The following WIF1 variants were observed in gnomAD, a reference collection of about 807,000 sequenced individuals.
WIF1 encodes Wnt inhibitory factor 1.
A neutral mutation model predicts 53.5 loss-of-function variants in WIF1; 35 were observed. That is an observed-to-expected ratio of 0.65 (90% confidence interval 0.50 to 0.87). WIF1 has a LOEUF of 0.87. WIF1 is among the 40% of genes least tolerant of loss of function. The probability of loss-of-function intolerance (pLI) is 0.00; values close to 1 mark genes in which losing one functional copy is unlikely to be tolerated. For synonymous variants in WIF1, 171 were observed against 170.4 expected, an observed-to-expected ratio of 1.00 and a Z score of -0.03; for missense variants, 467 against 476.8, an observed-to-expected ratio of 0.98 and a Z score of 0.19.
chr12:65,063,142 G>A (rs193168668), intron 6 of WIF1, among the ~76,000 whole-genome samples: 56 of 152,306 alleles, frequency 3.7e-4, no homozygotes, highest in Non-Finnish European at 7.2e-4. Flanking sequence ...GTGGGCCCAG[G>A]TGAGATCCCA....
intron 9 of WIF1, among the ~76,000 whole-genome samples, chr12:65,052,890 A>G (rs969635361): frequency 6.6e-6 from 1 of 152,192 alleles, no homozygotes; most frequent in African/African-American, 2.4e-5. Flanking sequence ...CAGAAGTAAC[A>G]GTGCCCTTGT....
In WIF1 at chr12:65,066,705, T is replaced by C; in HGVS notation, c.666A>G (p.Gly222=). Residue 222 remains glycine, a synonymous_variant, in exon 6 of 10, where the codon GGA becomes GGG. Transcript: ENST00000286574. ...ALCTPRCMNG[G]LCVTPGFCIC... is the part of the protein sequence containing the mutation. The stretch of plus-strand genomic sequence containing the variant: ...TGCAGAAACCAGGAGTCACACAAAG[T>C]CCACCATTCATACATCGTGGGGTAC... 1.2e-6 allele frequency: 2 copies of C among 1,610,408 alleles called. No homozygotes were observed. Among genetic ancestry groups the C allele is most frequent in the African/African-American group, 2.7e-5 (2 of 74,806 alleles).
chr12:65,051,341 G>A lies in WIF1; in HGVS notation c.*8C>T, dbSNP rs188681385. ...TGGTGTAACTTAAAACGTTTCAGATGTCGGAGTTCACCAGATGTAATTGGA... is the reference window on the plus strand; with the variant it reads ...TGGTGTAACTTAAAACGTTTCAGATATCGGAGTTCACCAGATGTAATTGGA... On this transcript the variant is annotated 3_prime_UTR_variant, in exon 10 of 10. Transcript: ENST00000286574. The A allele has an allele frequency of 4.3e-6, 7 of 1,611,014 alleles. No homozygotes were observed. The Admixed American group carries it at 1.2e-4, about 27-fold the overall frequency.
At position 65,114,471 on chromosome 12, in the gene WIF1, G is replaced by A. The variant is rs552836846; in HGVS notation, c.288+5946C>T. On this transcript the variant is annotated intron_variant, in intron 2 of 9. Transcript: ENST00000286574. ...AAGGTGAATTTGGATGATACTGAATGGAATCATTCACAAAGACACCAGTAT... is the reference window on the plus strand; with the variant it reads ...AAGGTGAATTTGGATGATACTGAATAGAATCATTCACAAAGACACCAGTAT... 3.9e-5 allele frequency among the ~76,000 whole-genome samples: 6 copies of A among 152,224 alleles called. No individual in the cohort carries two copies. The South Asian group carries it at 1.2e-3, about 32-fold the overall frequency.
intron 2 of WIF1, among the ~76,000 whole-genome samples, chr12:65,092,097 A>G (rs1016445656): frequency 2.6e-5 from 4 of 152,186 alleles, no homozygotes; most frequent in Non-Finnish European, 5.9e-5. Flanking sequence ...ATGGAATACT[A>G]TGCAGCCATA....
intron 3 of WIF1, among the ~76,000 whole-genome samples, chr12:65,076,283 C>T (rs1565752775): frequency 2.0e-5 from 3 of 152,038 alleles, no homozygotes; most frequent in Non-Finnish European, 1.5e-5. Context: ...GGAATCCTCC[C>T]CCCTCGGCCC....
chr12:65,057,199 C>T (rs766007970), intron 7 of WIF1, among the ~76,000 whole-genome samples: 2 of 152,096 alleles, frequency 1.3e-5, no homozygotes, highest in African/African-American at 2.4e-5. Flanking sequence ...GTGGCAATGG[C>T]TGGTGTGCAA....
chr12:65,108,362 C>G (rs1353707389), intron 2 of WIF1, among the ~76,000 whole-genome samples: 2 of 152,106 alleles, frequency 1.3e-5, no homozygotes, highest in African/African-American at 2.4e-5. Flanking sequence ...ATCAATGTTT[C>G]CATTCTCCAC....
intron 2 of WIF1, 141 bp downstream of exon 2, chr12:65,120,276 T>G (rs1418417309): frequency 2.2e-6 from 2 of 897,638 alleles, no homozygotes; most frequent in Non-Finnish European, 3.1e-6. Flanking sequence ...AAATGGAAAT[T>G]AATTCTTTAT....
rs568540565 is a variant in WIF1, at chr12:65,103,738, C to T, written c.288+16679G>A. 1.1e-4 allele frequency among the ~76,000 whole-genome samples: 17 copies of T among 152,196 alleles called. No homozygotes were observed. In the East Asian group the frequency reaches 3.3e-3, roughly 29 times the overall value. ...AATAATATACATATATGTACATGTA[C>T]CTTGGCATTTGACTGCTAGAATTCA... On this transcript the variant is annotated intron_variant, in intron 2 of 9. Coordinates refer to ENST00000286574, the MANE Select transcript of WIF1 (RefSeq NM_007191.5).
chr12:65,062,880 T>C (rs1882634654), intron 6 of WIF1, among the ~76,000 whole-genome samples: 2 of 152,066 alleles, frequency 1.3e-5, no homozygotes, highest in South Asian at 4.1e-4. Flanking sequence ...AGCTATGCCC[T>C]TAAAAGGAAA....
chr12:65,083,770 T>TTTTCCC (rs997685673), intron 2 of WIF1: 9 of 317,860 alleles, frequency 2.8e-5, no homozygotes, highest in Admixed American at 1.2e-4. Context: ...CCTCTTTTCC[T>TTTTCCC]TTTCCCTTTC....
At chr12:65,088,882 G>A (rs1314705750) in intron 2 of WIF1, among the ~76,000 whole-genome samples, 1 of 151,930 alleles carries the variant, frequency 6.6e-6, no homozygotes, top group Non-Finnish European at 1.5e-5. Flanking sequence ...TTTTTCTGGG[G>A]GGGAGCAGAT....
At chr12:65,074,171 AT>A (rs1565752204) in intron 3 of WIF1, among the ~76,000 whole-genome samples, 1 of 150,120 alleles carries the variant, frequency 6.7e-6, no homozygotes, top group South Asian at 2.1e-4. Context: ...TAAGATTTTT[AT>A]TTTTTATTTT....
intron 2 of WIF1, among the ~76,000 whole-genome samples, chr12:65,117,263 T>G (rs921506420): frequency 3.9e-5 from 6 of 152,172 alleles, no homozygotes; most frequent in African/African-American, 9.7e-5. Context: ...TACCCTGCCT[T>G]TTGCCATCAG....
Position 65,105,162 on chromosome 12 carries a change from C to T in WIF1, c.288+15255G>A, listed in dbSNP as rs942694068. Among the ~76,000 whole-genome samples, 8 of 152,154 alleles carry T rather than the reference C, an allele frequency of 5.3e-5. No individual in the cohort carries two copies. The South Asian group carries it at 8.3e-4, about 16-fold the overall frequency. On this transcript the variant is annotated intron_variant, in intron 2 of 9. Transcript: ENST00000286574. ...ATTGGGATTTTGGGTTCAGCTGTGT[C>T]TCTGGTGGTCTGTGGCACCCACTGG...
At chr12:65,056,278 TGAG>T in intron 7 of WIF1, 152 bp from the exon 8 acceptor site, 1 of 626,932 alleles carries the variant, frequency 1.6e-6, no homozygotes. Flanking sequence ...TTTTTTTTTT[TGAG>T]TTTTGTTTTT....
intron 2 of WIF1, among the ~76,000 whole-genome samples, chr12:65,082,497 A>G (rs958986690): frequency 1.2e-4 from 18 of 152,196 alleles, no homozygotes; most frequent in African/African-American, 4.3e-4. Flanking sequence ...GGGTCTATTC[A>G]GGAGAATAAT....
rs200504105 is a variant in WIF1 at position 65,106,360 on chromosome 12, C to CAT, written c.288+14055_288+14056dup. On this transcript the variant is annotated intron_variant, in intron 2 of 9. Transcript: ENST00000286574. ...TAACAGAATCATATATATATATGAT[C>CAT]ATATATATATATATTTTTTTTTATT... 1.6e-3 allele frequency among the ~76,000 whole-genome samples: 229 copies of CAT among 142,142 alleles called. 2 individuals are homozygous for CAT. The highest frequency in any genetic ancestry group is 2.9e-3 in the Admixed American group (42 of 14,328). 93.3% of individuals were successfully genotyped at this position (142,142 alleles called of 152,430 possible).
Sources: gnomAD v4.1 joint callset for allele counts (sites outside exome capture counted in the v4.1 genomes callset) on GRCh38, gnomAD v4.1.1 for gene constraint, MANE v1.5 for transcripts, NCBI Gene and HGNC (gene_info 2026-07-23, HGNC 2026-07-21) for gene names.